ULK1: variants seen among roughly 807,000 people sequenced by gnomAD.
ULK1 encodes serine/threonine-protein kinase ULK1.
In ULK1, 48 loss-of-function variants were observed where a neutral mutation model predicts 117.5. That is an observed-to-expected ratio of 0.41 (90% CI 0.32 to 0.52). ULK1 has a LOEUF of 0.52. ULK1 is among the 20% of genes least tolerant of loss of function. The pLI is 0.29. For missense variants in ULK1, 1,387 were observed against 1,473.4 expected, an observed-to-expected ratio of 0.94 and a Z score of 0.96; for synonymous variants, 790 against 637.8, an observed-to-expected ratio of 1.24 and a Z score of -3.60.
chr12:131,906,066 A>G (rs182448593), intron 3 of ULK1, among the ~76,000 whole-genome samples: 7 of 151,870 alleles, frequency 4.6e-5, no homozygotes, highest in African/African-American at 7.2e-5. Context: ...CTCTGCGTCA[A>G]CCTGGCAGCG....
At chr12:131,918,032 G>A (rs573979021) in intron 22 of ULK1, among the ~76,000 whole-genome samples, 268 of 152,282 alleles carry the variant, frequency 1.8e-3, no homozygotes, top group Middle Eastern at 3.4e-3. Context: ...GCTTGTGGGC[G>A]TCTGGTCCTG....
chr12:131,917,638 C>A, intron 22 of ULK1, 84 bp downstream of exon 22: 1 of 1,255,896 alleles, frequency 8.0e-7, no homozygotes, highest in South Asian at 2.7e-5. Flanking sequence ...TAACTCGGGT[C>A]ACTGGACTAC....
At chr12:131,920,735 A>G in intron 26 of ULK1, 1 of 258,990 alleles carries the variant, frequency 3.9e-6, no homozygotes, top group Non-Finnish European at 7.4e-6. Context: ...TTTTTAAGAA[A>G]ATTTAAGCAT....
chr12:131,895,155 CTG>C, intron 1 of ULK1, 43 bp downstream of exon 1: 1 of 1,383,282 alleles, frequency 7.2e-7, no homozygotes. Context: ...CCAGGATCCC[CTG>C]CCCCTGCATC....
At position 131,908,654 on chromosome 12, in the gene ULK1, G is replaced by T; in HGVS notation, c.327G>T (p.Thr109=). 2 of 1,538,160 alleles carry T rather than the reference G, an allele frequency of 1.3e-6. No homozygotes were observed. Among genetic ancestry groups the T allele is most frequent in the Non-Finnish European group, 1.7e-6 (2 of 1,147,840 alleles). ...CGCCTCTCCCCGCAGCCATGCGCAC[G>T]CTGAGCGAGGACACCATCAGGCTCT... ...DLADYLHAMR[T]LSEDTIRLFL... is the part of the protein sequence containing the mutation. The change falls in exon 6 of 28, where the codon ACG becomes ACT. Residue 109 remains threonine, a synonymous_variant. Transcript: ENST00000321867.
Position 131,905,388 on chromosome 12 carries a change from G to T in ULK1, c.247-1504G>T, listed in dbSNP as rs555475383. ...TCCTGGGACTGGGGGCTGAGCAGGG[G>T]TCCTGTGTGGGACGCGGCTCCTGAG... On this transcript the variant is annotated intron_variant, in intron 3 of 27. Transcript: ENST00000321867. Among the ~76,000 whole-genome samples the T allele has an allele frequency of 3.3e-5, 5 of 152,244 alleles. No homozygotes were observed. The East Asian group carries it at 5.8e-4, about 18-fold the overall frequency.
rs149526430 is a variant in ULK1 at position 131,902,630 on chromosome 12, C to T, written c.247-4262C>T. Among the ~76,000 whole-genome samples, 183 of 152,260 alleles carry T rather than the reference C, an allele frequency of 1.2e-3. 2 individuals carry two copies. In the East Asian group the frequency reaches 0.029, roughly 24 times the overall value. ...TTCAGGGACAGCCCTGTGGAATGGT[C>T]AGCAGCCGTTCCCTGTTTCCTCCCT... On this transcript the variant is annotated intron_variant, in intron 3 of 27. Coordinates refer to ENST00000321867, the MANE Select transcript of ULK1 (RefSeq NM_003565.4). The surrounding 1 kb of genome is among the most constrained non-coding windows in gnomAD (Gnocchi z 6.3).
At chr12:131,912,356 G>A (rs1383260362) in intron 13 of ULK1, among the ~76,000 whole-genome samples, 2 of 152,180 alleles carry the variant, frequency 1.3e-5, no homozygotes, top group Non-Finnish European at 2.9e-5. Flanking sequence ...TCTTCGGATG[G>A]GTGGGGGCCG....
intron 10 of ULK1, 24 bp downstream of exon 10, chr12:131,910,025 C>A: frequency 6.2e-7 from 1 of 1,609,394 alleles, no homozygotes; most frequent in Non-Finnish European, 8.5e-7. Context: ...AGGGGCGCAG[C>A]TGGAGTCCCC....
chr12:131,916,680 A>G, intron 20 of ULK1, 89 bp downstream of exon 20: 1 of 1,393,112 alleles, frequency 7.2e-7, no homozygotes. Context: ...GGGGGGTAGA[A>G]CAGGAAAAGC....
At chr12:131,915,764 G>A (rs4964879) in intron 18 of ULK1, 127 bp from the exon 19 acceptor site, 201,450 of 1,326,766 alleles carry the variant, frequency 0.15, 22,896 homozygotes, top group East Asian at 0.61. Flanking sequence ...GCGAGACCCC[G>A]TCTCAACAAA....
chr12:131,913,498 A>G (rs1438732164), intron 14 of ULK1, among the ~76,000 whole-genome samples: 3 of 152,050 alleles, frequency 2.0e-5, no homozygotes, highest in Admixed American at 6.6e-5. Flanking sequence ...GATTGAGACC[A>G]TCCTGGCCAA....
intron 5 of ULK1, 22 bp from the exon 6 acceptor site, chr12:131,908,622 C>T (rs1665806001): frequency 6.8e-7 from 1 of 1,463,832 alleles, no homozygotes; most frequent in Non-Finnish European, 9.0e-7. Flanking sequence ...GCCCCCAGGC[C>T]CTGAGCCGCC....
chr12:131,918,641 C>G lies in ULK1; in HGVS notation c.2471C>G (p.Thr824Ser). The change falls in exon 23 of 28, where the codon ACC becomes AGC. Residue 824 changes from threonine to serine, a missense_variant. Transcript: ENST00000321867. ...ACTGCGAACCTGGAGGGGGCTGTGA[C>G]CTTCGAGGCCCCCGACCTCCCTGAG... ...PITANLEGAV[T>S]FEAPDLPEET... 2 of 1,608,994 alleles carry G rather than the reference C, an allele frequency of 1.2e-6. No homozygotes were observed. The highest frequency in any genetic ancestry group is 1.7e-6 in the Non-Finnish European group (2 of 1,178,312).
Position 131,921,490 on chromosome 12 carries a change from G to A in ULK1, c.*129G>A. On this transcript the variant is annotated 3_prime_UTR_variant, in exon 28 of 28. Transcript: ENST00000321867. ...GCTGAGCCCTGCCCTGGGCCCCACG[G>A]ACAGTCAGCCTGCCGGCCTCCCTGC... 2 of 1,414,770 alleles carry A rather than the reference G, an allele frequency of 1.4e-6. No individual in the cohort carries two copies. Among genetic ancestry groups the A allele is most frequent in the Non-Finnish European group, 1.9e-6 (2 of 1,025,692 alleles). The allele number at this position is 1,414,770 out of a possible 1,614,324, so 87.6% of individuals were successfully genotyped here.
Position 131,914,382 on chromosome 12 carries a change from C to T in ULK1, c.1278C>T (p.Cys426=), listed in dbSNP as rs772840184. The change falls in exon 16 of 28, where the codon TGC becomes TGT. Residue 426 remains cysteine (C), a synonymous_variant. Transcript: ENST00000321867. ...CTGGCCCGTTCTCCAGCAGCAGGTG[C>T]GGCGCCTCTGTCCCCATCCCAGTCC... The part of the protein sequence containing the change: ...GRAGPFSSSR[C]GASVPIPVPT... The T allele has an allele frequency of 2.0e-5, 32 of 1,612,056 alleles. No homozygotes were observed. The Middle Eastern group carries it at 4.9e-4, about 25-fold the overall frequency.
In ULK1 at chr12:131,922,078, C is replaced by G. The variant is rs1010816948; in HGVS notation, c.*717C>G. 2.2e-6 allele frequency: 1 copy of G among 451,610 alleles called. No homozygotes were observed. Among genetic ancestry groups the G allele is most frequent in the African/African-American group, 2.0e-5 (1 of 50,128 alleles). The allele number at this position is 451,610 out of a possible 1,614,324, so 28.0% of individuals were successfully genotyped here. ...TTTGTTCAAGCGTTCCTCTGGGGAC[C>G]GGCAGCAGAGGCACCGTGTTCTCTC... On this transcript the variant is annotated 3_prime_UTR_variant, in exon 28 of 28. Coordinates refer to ENST00000321867, the MANE Select transcript of ULK1 (RefSeq NM_003565.4).
chr12:131,913,297 GAA>G (rs1889623667), intron 14 of ULK1, 39 bp downstream of exon 14: 1 of 1,502,242 alleles, frequency 6.7e-7, no homozygotes, highest in African/African-American at 1.4e-5. Context: ...TTAGGGGAGA[GAA>G]ACTGTGGCCT....
At position 131,922,435 on chromosome 12, in the gene ULK1, C is replaced by G. The variant is rs1890190561; in HGVS notation, c.*1074C>G. 1 of 189,748 alleles carries G rather than the reference C, an allele frequency of 5.3e-6. No individual in the cohort carries two copies. Among genetic ancestry groups the G allele is most frequent in the African/African-American group, 2.4e-5 (1 of 42,216 alleles). 11.8% of individuals were successfully genotyped at this position (189,748 alleles called of 1,614,324 possible). ...AAGAAAAAAGTAACATGTGCAAAAGCTCCCCGTCCAGCTTTGACAGTCAGT... is the reference window on the plus strand; with the variant it reads ...AAGAAAAAAGTAACATGTGCAAAAGGTCCCCGTCCAGCTTTGACAGTCAGT... On this transcript the variant is annotated 3_prime_UTR_variant, in exon 28 of 28. Transcript: ENST00000321867.
Sources: gnomAD v4.1 joint callset for allele counts (sites outside exome capture counted in the v4.1 genomes callset) on GRCh38, gnomAD v4.1.1 for gene constraint, Gnocchi (gnomAD v3.1) non-coding constraint, MANE v1.5 for transcripts, NCBI Gene and HGNC (gene_info 2026-07-23, HGNC 2026-07-21) for gene names.